Variants in SH2D4A observed in about 807,000 individuals in gnomAD.
SH2D4A encodes the protein SH2 domain-containing protein 4A.
In SH2D4A, 70 loss-of-function variants were observed where a neutral mutation model predicts 64.7. The observed-to-expected ratio is 1.08, with a 90% CI of 0.89 to 1.32. SH2D4A has a LOEUF of 1.32. Ranked by LOEUF, SH2D4A falls within the 40% of genes most tolerant of loss-of-function variation. The pLI is 0.00. For missense variants in SH2D4A, 706 were observed against 540.1 expected (o/e 1.31, Z -3.04); for synonymous variants, 268 against 200.7 (o/e 1.34, Z -2.83).
intron 4 of SH2D4A, among the ~76,000 whole-genome samples, chr8:19,342,913 TC>T (rs1416827536): frequency 6.6e-6 from 1 of 152,096 alleles, no homozygotes; most frequent in Non-Finnish European, 1.5e-5. Context: ...AAATCTACTT[TC>T]CGGGACACCT....
chr8:19,394,293 A>T (rs2053549407), intron 9 of SH2D4A, among the ~76,000 whole-genome samples: 1 of 152,154 alleles, frequency 6.6e-6, no homozygotes, highest in African/African-American at 2.4e-5. Context: ...CAGGCCACAG[A>T]CTGGTACTGG....
intron 2 of SH2D4A, among the ~76,000 whole-genome samples, chr8:19,326,894 A>G (rs1205661615): frequency 2.0e-5 from 3 of 152,160 alleles, no homozygotes; most frequent in Non-Finnish European, 2.9e-5. Context: ...TCTCACCCTC[A>G]GGTGCCCCTG....
At chr8:19,349,642 G>C (rs1455213611) in intron 4 of SH2D4A, among the ~76,000 whole-genome samples, 2 of 152,096 alleles carry the variant, frequency 1.3e-5, no homozygotes, top group Non-Finnish European at 2.9e-5. Context: ...CCATAAAATG[G>C]ACATTAAAGT....
rs760123835 is a variant in SH2D4A, at chr8:19,373,521, A to G, written c.918-9A>G. 1.9e-6 allele frequency: 3 copies of G among 1,566,918 alleles called. No homozygotes were observed. Among genetic ancestry groups the G allele is most frequent in the Admixed American group, 3.8e-5 (2 of 53,140 alleles). On this transcript the variant is annotated splice_polypyrimidine_tract_variant and intron_variant, in intron 7 of 9. Coordinates refer to ENST00000265807, the MANE Select transcript of SH2D4A (RefSeq NM_022071.4). ...TAAATCTAACTTGAAAAACTTTTAT[A>G]AATAACAGAAATCAGGGAGTGGTGA...
intron 8 of SH2D4A, among the ~76,000 whole-genome samples, chr8:19,392,878 A>C (rs966867329): frequency 6.6e-5 from 10 of 151,836 alleles, no homozygotes; most frequent in African/African-American, 2.2e-4. Flanking sequence ...AGTAGCTGGG[A>C]CTACAGGTGC....
chr8:19,330,625 T>C (rs1176860168), intron 2 of SH2D4A, among the ~76,000 whole-genome samples: 1 of 152,168 alleles, frequency 6.6e-6, no homozygotes, highest in East Asian at 1.9e-4. Flanking sequence ...TAAGAGTTCC[T>C]GCCCTGCCCG....
intron 8 of SH2D4A, among the ~76,000 whole-genome samples, chr8:19,384,084 A>G (rs2053344227): frequency 6.6e-6 from 1 of 152,194 alleles, no homozygotes; most frequent in Admixed American, 6.5e-5. Flanking sequence ...GTAACAGTGT[A>G]ACTAAGCAGC....
At chr8:19,358,111 T>G (rs1458765086) in intron 5 of SH2D4A, among the ~76,000 whole-genome samples, 1 of 152,190 alleles carries the variant, frequency 6.6e-6, no homozygotes, top group Non-Finnish European at 1.5e-5. Flanking sequence ...CATACTTCTT[T>G]CTAAAACAGC....
At chr8:19,349,128 A>G (rs1349877857) in intron 4 of SH2D4A, among the ~76,000 whole-genome samples, 1 of 152,220 alleles carries the variant, frequency 6.6e-6, no homozygotes, top group Non-Finnish European at 1.5e-5. Flanking sequence ...TGAAGGAAGC[A>G]TTTCAATATA....
Position 19,334,717 on chromosome 8 carries a change from T to G in SH2D4A, c.373T>G (p.Leu125Val). The change falls in exon 4 of 10, where the codon TTG (leucine) becomes GTG (valine). Residue 125 changes from leucine (L) to valine (V), a missense_variant. By Grantham distance (32) the Leu-to-Val change is conservative. Transcript: ENST00000265807. The stretch of plus-strand genomic sequence containing the variant: ...TCACTCTGAAGAATTCACCAATAGC[T>G]TGAAAACAAAATCACAGTACCATGA... Reference protein sequence around the residue: ...KTHSEEFTNSLKTKSQYHDLQ... With the variant: ...KTHSEEFTNSVKTKSQYHDLQ... 6.2e-7 allele frequency: 1 copy of G among 1,608,574 alleles called. No homozygotes were observed.
intron 8 of SH2D4A, 77 bp from the exon 9 acceptor site, chr8:19,393,241 C>A: frequency 7.6e-7 from 1 of 1,319,082 alleles, no homozygotes. Context: ...ACTCTATATC[C>A]ATGCAGCTGG....
At chr8:19,326,162 G>A (rs892529365) in intron 2 of SH2D4A, among the ~76,000 whole-genome samples, 3 of 152,220 alleles carry the variant, frequency 2.0e-5, no homozygotes, top group African/African-American at 7.2e-5. Flanking sequence ...TACTAGCTCT[G>A]TGATCTTGGG....
At chr8:19,357,057 G>C (rs965732078) in intron 4 of SH2D4A, 146 bp from the exon 5 acceptor site, 2 of 642,366 alleles carry the variant, frequency 3.1e-6, no homozygotes, top group African/African-American at 1.8e-5. Context: ...ATCGGCCCAG[G>C]AACTCAGGTG....
intron 8 of SH2D4A, among the ~76,000 whole-genome samples, chr8:19,388,669 G>T (rs1454661606): frequency 6.6e-6 from 1 of 152,148 alleles, no homozygotes; most frequent in East Asian, 1.9e-4. Flanking sequence ...ATTAGACCTC[G>T]TGGCACTTCA....
At chr8:19,339,264 C>A (rs1015102572) in intron 4 of SH2D4A, among the ~76,000 whole-genome samples, 5 of 152,158 alleles carry the variant, frequency 3.3e-5, no homozygotes, top group African/African-American at 1.2e-4. Flanking sequence ...AGATGGTGCC[C>A]ACCCAGATTG....
intron 5 of SH2D4A, among the ~76,000 whole-genome samples, chr8:19,358,824 G>T (rs1269466933): frequency 6.6e-6 from 1 of 152,134 alleles, no homozygotes; most frequent in South Asian, 2.1e-4. Flanking sequence ...TTTCTATATG[G>T]GCCCAGCGTG....
chr8:19,378,215 A>G (rs111335995), intron 8 of SH2D4A, among the ~76,000 whole-genome samples: 1,770 of 152,172 alleles, frequency 0.012, 39 homozygotes, highest in African/African-American at 0.041. Context: ...ATATTCTCCT[A>G]GTTTGTGACT....
Position 19,357,210 on chromosome 8 carries a change from C to T in SH2D4A, c.521C>T (p.Ser174Phe), listed in dbSNP as rs1299637005. 3.7e-6 allele frequency: 6 copies of T among 1,613,154 alleles called. No homozygotes were observed. The South Asian group carries it at 5.5e-5, about 15-fold the overall frequency. Residue 174 changes from serine to phenylalanine, a missense_variant, in exon 5 of 10, where the codon TCC becomes TTC. By Grantham distance (155) the Ser-to-Phe change is radical. Coordinates refer to ENST00000265807, the MANE Select transcript of SH2D4A (RefSeq NM_022071.4). ...GTTTCGTTTAATTTTTAGTCACTCT[C>T]CAGTTCTTCAAGAAATATTCAACAA... Reference protein sequence around the residue: ...TLEEEKIRSLSSSSRNIQQML... With the variant: ...TLEEEKIRSLFSSSRNIQQML...
chr8:19,358,763 G>A (rs1029749620), intron 5 of SH2D4A, among the ~76,000 whole-genome samples: 1 of 152,222 alleles, frequency 6.6e-6, no homozygotes, highest in Non-Finnish European at 1.5e-5. Flanking sequence ...GGCATTCTAA[G>A]TGCTTCCATC....
Sources: allele counts gnomAD v4.1 joint callset (sites outside exome capture counted in the v4.1 genomes callset), GRCh38; gene constraint gnomAD v4.1.1; transcripts MANE v1.5; gene names NCBI Gene and HGNC (gene_info 2026-07-23, HGNC 2026-07-21).